DSCAM: variants seen among roughly 807,000 people sequenced by gnomAD.
DSCAM encodes cell adhesion molecule DSCAM.
In DSCAM, 47 loss-of-function variants were observed where a neutral mutation model predicts 217.7. The ratio of observed to expected loss-of-function variants is 0.22; its 90% CI spans 0.17 to 0.28. DSCAM has a LOEUF of 0.28. DSCAM is among the 10% of genes least tolerant of loss of function. The probability of loss-of-function intolerance (pLI) is 1.00; values close to 1 mark genes in which losing one functional copy is unlikely to be tolerated. For synonymous variants in DSCAM, 1,056 were observed against 1,015.3 expected, an observed-to-expected ratio of 1.04 and a Z score of -0.76; for missense variants, 2,080 against 2,618.3, an observed-to-expected ratio of 0.79 and a Z score of 4.49.
intron 2 of DSCAM, among the ~76,000 whole-genome samples, chr21:40,694,242 C>T (rs920025559): frequency 7.2e-5 from 11 of 152,194 alleles, no homozygotes; most frequent in African/African-American, 2.7e-4. Flanking sequence ...GGAACCTCTT[C>T]AAGGTCTAAA....
At chr21:40,215,836 G>A (rs143681268) in intron 11 of DSCAM, among the ~76,000 whole-genome samples, 3 of 151,972 alleles carry the variant, frequency 2.0e-5, no homozygotes, top group East Asian at 3.9e-4. Flanking sequence ...ACCACACTGG[G>A]GAGTCCCTGC....
intron 3 of DSCAM, among the ~76,000 whole-genome samples, chr21:40,462,351 G>A (rs1371593577): frequency 1.3e-5 from 2 of 152,100 alleles, no homozygotes; most frequent in African/African-American, 4.8e-5. Flanking sequence ...CTGGCAGCTG[G>A]AATAAAAATC....
rs565027040 is a variant in DSCAM at position 40,312,468 on chromosome 21, C to G, written c.1784-109G>C. On this transcript the variant is annotated intron_variant, in intron 8 of 32. Transcript: ENST00000400454. ...GTAGTACAGACGATCATAGATACAG[C>G]ATAGAAATACAGGAACTGTAGCAAA... The G allele has an allele frequency of 1.5e-5, 18 of 1,225,086 alleles. 1 individual carries two copies. The South Asian group carries it at 2.8e-4, about 19-fold the overall frequency. The allele number at this position is 1,225,086 out of a possible 1,614,324, so 75.9% of individuals were successfully genotyped here. A position where few individuals can be genotyped will look rare whatever the true frequency, so the allele number is the denominator to read the frequency against.
intron 1 of DSCAM, among the ~76,000 whole-genome samples, chr21:40,732,532 T>C (rs975469173): frequency 1.3e-5 from 2 of 152,216 alleles, no homozygotes; most frequent in Admixed American, 1.3e-4. Flanking sequence ...GGAGGCTCCT[T>C]GCCTGACTGA....
At chr21:40,151,849 A>C (rs1051316707) in intron 16 of DSCAM, among the ~76,000 whole-genome samples, 1 of 152,178 alleles carries the variant, frequency 6.6e-6, no homozygotes, top group Non-Finnish European at 1.5e-5. Context: ...TGACAGGTTG[A>C]GGCAGGATTT....
intron 3 of DSCAM, among the ~76,000 whole-genome samples, chr21:40,550,745 C>A (rs1282986289): frequency 1.3e-5 from 2 of 152,276 alleles, no homozygotes; most frequent in Non-Finnish European, 2.9e-5. Context: ...ATTGGGCAGC[C>A]TCCAGAACCA....
rs1467768696 is a variant in DSCAM, at chr21:40,524,763, C to A, written c.509-155518G>T. ...TGGTGGCTCATAGCTGTAATCCCAG[C>A]ATTTTGGGAGGACGAGGTGGGCGGA... is the stretch of plus-strand genomic sequence containing the variant. On this transcript the variant is annotated intron_variant, in intron 3 of 32. Coordinates refer to ENST00000400454, the MANE Select transcript of DSCAM (RefSeq NM_001389.5). 2.0e-5 allele frequency among the ~76,000 whole-genome samples: 3 copies of A among 152,064 alleles called. No individual in the cohort carries two copies. In the East Asian group the frequency reaches 5.8e-4, roughly 29 times the overall value.
chr21:40,432,221 T>TATAAATAAATAA (rs980618588), intron 3 of DSCAM, among the ~76,000 whole-genome samples: 1 of 149,690 alleles, frequency 6.7e-6, no homozygotes, highest in Non-Finnish European at 1.5e-5. Context: ...AAAATAAATA[T>TATAAATAAATAA]ATAAATAAAT....
chr21:40,424,248 T>C (rs1186107039), intron 3 of DSCAM, among the ~76,000 whole-genome samples: 2 of 152,160 alleles, frequency 1.3e-5, no homozygotes, highest in Non-Finnish European at 2.9e-5. Context: ...CTGCAGTATC[T>C]CAAAACATGG....
intron 8 of DSCAM, among the ~76,000 whole-genome samples, chr21:40,335,256 T>C (rs951842461): frequency 6.6e-6 from 1 of 152,140 alleles, no homozygotes; most frequent in Non-Finnish European, 1.5e-5. Context: ...CATAAAATAA[T>C]ATTTTCCTTC....
At chr21:40,665,107 C>A (rs1200532954) in intron 3 of DSCAM, among the ~76,000 whole-genome samples, 2 of 152,182 alleles carry the variant, frequency 1.3e-5, no homozygotes, top group African/African-American at 2.4e-5. Flanking sequence ...TTACAGCATG[C>A]AGAACTGGGA....
intron 11 of DSCAM, among the ~76,000 whole-genome samples, chr21:40,202,519 C>T (rs547726178): frequency 5.9e-4 from 90 of 152,302 alleles, no homozygotes; most frequent in African/African-American, 2.0e-3. Flanking sequence ...AGTCCTTCGG[C>T]CTCTCTGTGC....
intron 16 of DSCAM, among the ~76,000 whole-genome samples, chr21:40,152,387 G>GT (rs1434143697): frequency 1.3e-5 from 2 of 152,136 alleles, no homozygotes; most frequent in African/African-American, 4.8e-5. Context: ...CACAAAGATT[G>GT]TTTTTCCCAT....
At chr21:40,397,145 C>A (rs1187263353) in intron 3 of DSCAM, among the ~76,000 whole-genome samples, 1 of 152,200 alleles carries the variant, frequency 6.6e-6, no homozygotes. Context: ...TCCTTGGCTG[C>A]AGCACCAGAA....
chr21:40,243,798 C>A (rs550802685), intron 11 of DSCAM, among the ~76,000 whole-genome samples: 1 of 152,206 alleles, frequency 6.6e-6, no homozygotes, highest in South Asian at 2.1e-4. Context: ...AATGGAACAC[C>A]CTTGCCAGCA....
chr21:40,320,350 AATT>A (rs1055635584), intron 8 of DSCAM, among the ~76,000 whole-genome samples: 4 of 152,038 alleles, frequency 2.6e-5, no homozygotes, highest in African/African-American at 9.7e-5. Context: ...TCCTATATAG[AATT>A]ATTCTTTATT....
intron 9 of DSCAM, among the ~76,000 whole-genome samples, chr21:40,310,360 C>G (rs1269466880): frequency 2.6e-5 from 4 of 152,180 alleles, no homozygotes; most frequent in Non-Finnish European, 5.9e-5. Context: ...AACCACAGTC[C>G]CACATCACCT....
chr21:40,274,722 A>T (rs2837547), intron 11 of DSCAM, among the ~76,000 whole-genome samples: 51,614 of 152,024 alleles, frequency 0.34, 9,010 homozygotes, highest in South Asian at 0.37. Flanking sequence ...AAAGTCAAAA[A>T]CTAGGTATTG....
At chr21:40,653,998 G>A (rs976615005) in intron 3 of DSCAM, among the ~76,000 whole-genome samples, 1 of 151,946 alleles carries the variant, frequency 6.6e-6, no homozygotes, top group African/African-American at 2.4e-5. Flanking sequence ...GGGAGGCTAA[G>A]GGAGGAGAAT....
Sources: gnomAD v4.1 joint callset for allele counts (sites outside exome capture counted in the v4.1 genomes callset) on GRCh38, gnomAD v4.1.1 for gene constraint, MANE v1.5 for transcripts, NCBI Gene and HGNC (gene_info 2026-07-23, HGNC 2026-07-21) for gene names.